DHX57: variants seen among roughly 807,000 people sequenced by gnomAD.
The protein encoded by DHX57 is DExH-box helicase 57.
In DHX57, 105 loss-of-function variants were observed where a neutral mutation model predicts 156.2. The observed-to-expected ratio is 0.67, with a 90% CI of 0.57 to 0.79. The LOEUF (loss-of-function observed/expected upper bound fraction) is 0.79, where lower values mean the gene tolerates loss of function less well. Ranked by LOEUF, DHX57 falls within the 30% of genes least tolerant of loss-of-function variation. The pLI, the probability that DHX57 is intolerant of heterozygous loss-of-function variation, is 0.00. For synonymous variants in DHX57, 704 were observed against 595.6 expected (o/e 1.18, Z -2.65); for missense variants, 1,847 against 1,661.9 (o/e 1.11, Z -1.94).
intron 21 of DHX57, among the ~76,000 whole-genome samples, chr2:38,807,945 CTTT>C (rs34221239): frequency 1.6e-3 from 85 of 54,240 alleles, no homozygotes; most frequent in African/African-American, 5.2e-3. Context: ...TGTGTCTTGC[CTTT>C]TTTTTTTTTT....
chr2:38,861,643 T>G lies in DHX57; in HGVS notation c.767A>C (p.Lys256Thr). ...TATAAATTTTTCTCCACAGATGGAC[T>G]TGAGAGCAAATGCCTCTTCCTGTCG... ...EQRQEEAFALKSICGEKFIER... is the reference protein window; with the variant it reads ...EQRQEEAFALTSICGEKFIER... The change falls in exon 5 of 24, where the codon AAG becomes ACG. Residue 256 changes from lysine (K) to threonine (T), a missense_variant. By Grantham distance (78) the Lys-to-Thr change is moderately conservative. Transcript: ENST00000457308. The G allele has an allele frequency of 6.2e-7, 1 of 1,614,208 alleles. No individual in the cohort carries two copies. Among genetic ancestry groups the G allele is most frequent in the Non-Finnish European group, 8.5e-7 (1 of 1,180,040 alleles).
chr2:38,845,673 T>A (rs545718439), intron 11 of DHX57, among the ~76,000 whole-genome samples: 1 of 152,034 alleles, frequency 6.6e-6, no homozygotes, highest in South Asian at 2.1e-4. Flanking sequence ...GCAAGGAAAA[T>A]CTTGCGGAAT....
intron 1 of DHX57, among the ~76,000 whole-genome samples, chr2:38,868,875 C>T (rs1665217625): frequency 6.6e-6 from 1 of 152,092 alleles, no homozygotes; most frequent in African/African-American, 2.4e-5. Flanking sequence ...GATCTCAGCT[C>T]ACTGCAACCT....
At chr2:38,801,142 A>G (rs1669659720) in intron 23 of DHX57, among the ~76,000 whole-genome samples, 1 of 152,202 alleles carries the variant, frequency 6.6e-6, no homozygotes, top group Non-Finnish European at 1.5e-5. Flanking sequence ...CTGGACTTTA[A>G]AGTTAAATAT....
chr2:38,858,278 T>C (rs1572701075), intron 6 of DHX57, among the ~76,000 whole-genome samples: 1 of 152,146 alleles, frequency 6.6e-6, no homozygotes, highest in African/African-American at 2.4e-5. Context: ...GCTAGGGTGG[T>C]CTTGAACTCC....
intron 15 of DHX57, 146 bp from the exon 16 acceptor site, chr2:38,826,193 G>C: frequency 2.3e-6 from 2 of 884,492 alleles, no homozygotes; most frequent in Non-Finnish European, 3.3e-6. Context: ...CCCCTGGTAG[G>C]AGCAGCTAGT....
chr2:38,854,829 T>C, intron 8 of DHX57: 2 of 385,518 alleles, frequency 5.2e-6, no homozygotes, highest in Non-Finnish European at 9.5e-6. Flanking sequence ...CTCAAAGTGC[T>C]GGGATTACAG....
chr2:38,814,892 G>C (rs917118632), intron 20 of DHX57, among the ~76,000 whole-genome samples: 10 of 151,612 alleles, frequency 6.6e-5, no homozygotes, highest in Non-Finnish European at 1.5e-5. Flanking sequence ...CTGGATAATT[G>C]TGTATTTTTA....
rs1572725890 is a variant in DHX57, at chr2:38,875,845, G to A, written c.-65C>T. The A allele has an allele frequency of 2.5e-6, 1 of 393,950 alleles. No homozygotes were observed. Among genetic ancestry groups the A allele is most frequent in the Non-Finnish European group, 4.5e-6 (1 of 223,676 alleles). The allele number at this position is 393,950 out of a possible 1,614,324, so 24.4% of individuals were successfully genotyped here. A position where few individuals can be genotyped will look rare whatever the true frequency, so the allele number is the denominator to read the frequency against. ...CGGGAGGTGCTGCCCAAGGGTCAGA[G>A]GTCCAAACTGGACTTGGCCACCCTC... On this transcript the variant is annotated 5_prime_UTR_variant, in exon 1 of 24. Coordinates refer to ENST00000457308, the MANE Select transcript of DHX57 (RefSeq NM_198963.3).
At chr2:38,809,414 A>G (rs1558355600) in intron 21 of DHX57, among the ~76,000 whole-genome samples, 1 of 150,816 alleles carries the variant, frequency 6.6e-6, no homozygotes, top group Non-Finnish European at 1.5e-5. Context: ...TGCCCAGCCC[A>G]GTTTTGCCAA....
intron 19 of DHX57, 76 bp downstream of exon 19, chr2:38,818,801 A>G: frequency 2.0e-6 from 3 of 1,498,542 alleles, no homozygotes; most frequent in Non-Finnish European, 2.8e-6. Context: ...GACAGGACAC[A>G]TGAGACAAAG....
chr2:38,827,507 T>A (rs3099982), intron 14 of DHX57, among the ~76,000 whole-genome samples: 11,990 of 23,258 alleles, frequency 0.52, 2,253 homozygotes, highest in East Asian at 0.63. Context: ...AAAAAAAAAA[T>A]ATATATATAT....
chr2:38,810,345 G>A (rs538764442), intron 21 of DHX57: 80 of 438,626 alleles, frequency 1.8e-4, no homozygotes, highest in South Asian at 1.2e-3. Context: ...GGGAGAACAA[G>A]TCACAATTAC....
intron 19 of DHX57, among the ~76,000 whole-genome samples, chr2:38,818,014 A>G (rs1330218674): frequency 6.6e-6 from 1 of 152,120 alleles, no homozygotes; most frequent in Non-Finnish European, 1.5e-5. Flanking sequence ...TATACTCATT[A>G]TATTCACATA....
chr2:38,825,168 T>C (rs777752107), intron 16 of DHX57, among the ~76,000 whole-genome samples: 48 of 152,260 alleles, frequency 3.2e-4, no homozygotes, highest in Admixed American at 2.9e-3. Flanking sequence ...TGCCAATCTA[T>C]ATACACACAA....
Position 38,861,519 on chromosome 2 carries a change from T to A in DHX57, c.891A>T (p.Val297=), listed in dbSNP as rs762952317. Residue 297 remains valine, a synonymous_variant, in exon 5 of 24, where the codon GTA becomes GTT. Transcript: ENST00000457308. ...KSKPKESTKN[V]QENSLEICKF... is the part of the protein sequence containing the mutation. ...TACAGATTTCAAGTGAATTCTCTTG[T>A]ACATTTTTGGTACTTTCTTTTGGCT... The A allele has an allele frequency of 1.1e-5, 17 of 1,614,042 alleles. No individual in the cohort carries two copies. In the Admixed American group the frequency reaches 2.5e-4, roughly 24 times the overall value.
chr2:38,858,936 T>G, intron 5 of DHX57, 100 bp from the exon 6 acceptor site: 1 of 1,241,140 alleles, frequency 8.1e-7, no homozygotes. Flanking sequence ...AAAGTCAAAA[T>G]GGAGAAAAAG....
intron 22 of DHX57, 58 bp from the exon 23 acceptor site, chr2:38,802,973 A>AC: frequency 1.3e-6 from 2 of 1,592,202 alleles, no homozygotes; most frequent in Non-Finnish European, 8.6e-7. Context: ...AAAGGGAACA[A>AC]CCCCCCAGTC....
rs931506202 is a variant in DHX57 at position 38,861,399 on chromosome 2, A to G, written c.1011T>C (p.Ser337=). ...PNQIVGRIER[S]VDDSHLNAIE... Reference sequence around the variant, plus strand: ...TAGCATTAAGATGAGAATCATCTACACTTCTTTCTATTCTTCCAACAATTT... The same window carrying G: ...TAGCATTAAGATGAGAATCATCTACGCTTCTTTCTATTCTTCCAACAATTT... The change falls in exon 5 of 24, where the codon AGT becomes AGC. Residue 337 remains serine, a synonymous_variant. Coordinates refer to ENST00000457308, the MANE Select transcript of DHX57 (RefSeq NM_198963.3). The G allele has an allele frequency of 4.3e-6, 7 of 1,613,954 alleles. No individual in the cohort carries two copies. The African/African-American group carries it at 5.3e-5, about 12-fold the overall frequency.
Sources: gnomAD v4.1 joint callset for allele counts (sites outside exome capture counted in the v4.1 genomes callset) on GRCh38, gnomAD v4.1.1 for gene constraint, MANE v1.5 for transcripts, NCBI Gene and HGNC (gene_info 2026-07-23, HGNC 2026-07-21) for gene names.